The following TRABD2B variants were observed in gnomAD, a reference collection of about 807,000 sequenced individuals.
TRABD2B encodes metalloprotease TIKI2.
TRABD2B carries 14 observed loss-of-function variants against 40.1 expected under a neutral mutation model. That is an observed-to-expected ratio of 0.35 (90% CI 0.23 to 0.55). The LOEUF (loss-of-function observed/expected upper bound fraction) is 0.55, where lower values mean the gene tolerates loss of function less well. Among genes scored for constraint, TRABD2B ranks in the 20% least tolerant of loss-of-function variants. The pLI, the probability that TRABD2B is intolerant of heterozygous loss-of-function variation, is 0.90. For synonymous variants in TRABD2B, 263 were observed against 277.0 expected (o/e 0.95, Z 0.50); for missense variants, 541 against 648.6 (o/e 0.83, Z 1.80).
At chr1:47,839,351 T>C (rs1293005514) in intron 2 of TRABD2B, among the ~76,000 whole-genome samples, 1 of 151,960 alleles carries the variant, frequency 6.6e-6, no homozygotes, top group Non-Finnish European at 1.5e-5. Context: ...GCCTGCCCCC[T>C]CACTCCCACC....
chr1:47,969,662 G>T (rs1291206028), intron 2 of TRABD2B, among the ~76,000 whole-genome samples: 2 of 152,154 alleles, frequency 1.3e-5, no homozygotes, highest in African/African-American at 4.8e-5. Context: ...ATAAATGATC[G>T]AAGGCGTAGA....
At chr1:47,906,101 G>A (rs1644673613) in intron 2 of TRABD2B, among the ~76,000 whole-genome samples, 1 of 152,158 alleles carries the variant, frequency 6.6e-6, no homozygotes, top group Non-Finnish European at 1.5e-5. Flanking sequence ...GGCAGAGCTG[G>A]GATCAGAAGC....
At chr1:47,985,215 A>G (rs1434815723) in intron 2 of TRABD2B, among the ~76,000 whole-genome samples, 1 of 152,238 alleles carries the variant, frequency 6.6e-6, no homozygotes, top group Non-Finnish European at 1.5e-5. Flanking sequence ...CATCCGGCCA[A>G]TGTCTGGAAG....
chr1:47,789,461 A>G (rs1644640860), intron 4 of TRABD2B, among the ~76,000 whole-genome samples: 1 of 152,112 alleles, frequency 6.6e-6, no homozygotes, highest in African/African-American at 2.4e-5. Context: ...ATCATCTTAT[A>G]CCATAACGTT....
chr1:47,836,451 CCTT>C (rs772430595), intron 2 of TRABD2B, among the ~76,000 whole-genome samples: 5 of 152,194 alleles, frequency 3.3e-5, no homozygotes. Context: ...GGCCCCAGTT[CCTT>C]CTTTTGTGCA....
chr1:47,979,609 C>T (rs1645811119), intron 2 of TRABD2B, among the ~76,000 whole-genome samples: 1 of 152,124 alleles, frequency 6.6e-6, no homozygotes, highest in Non-Finnish European at 1.5e-5. Flanking sequence ...TCTGCTGGGG[C>T]TGGGGCGAAC....
At chr1:47,987,863 A>G (rs946632102) in intron 2 of TRABD2B, among the ~76,000 whole-genome samples, 1 of 152,202 alleles carries the variant, frequency 6.6e-6, no homozygotes, top group East Asian at 1.9e-4. Context: ...TCGCGCCAGA[A>G]GAAGCCTGTT....
intron 2 of TRABD2B, among the ~76,000 whole-genome samples, chr1:47,822,375 A>G (rs891125628): frequency 3.9e-5 from 6 of 152,220 alleles, no homozygotes; most frequent in Admixed American, 1.3e-4. Context: ...TGAAGTGCAG[A>G]TACCACCTCA....
intron 2 of TRABD2B, among the ~76,000 whole-genome samples, chr1:47,892,694 G>A (rs1376410671): frequency 2.0e-5 from 3 of 152,168 alleles, no homozygotes; most frequent in Non-Finnish European, 4.4e-5. Context: ...ATGTGCTGAT[G>A]GGTTGAGAAA....
intron 2 of TRABD2B, among the ~76,000 whole-genome samples, chr1:47,947,761 A>T (rs1388601441): frequency 6.6e-6 from 1 of 152,238 alleles, no homozygotes; most frequent in Non-Finnish European, 1.5e-5. Context: ...TAACACAGGA[A>T]TAGCTCACAT....
chr1:47,841,172 T>C (rs997374963), intron 2 of TRABD2B, among the ~76,000 whole-genome samples: 3 of 152,180 alleles, frequency 2.0e-5, no homozygotes, highest in South Asian at 2.1e-4. Flanking sequence ...TCTCTCTCCA[T>C]AGCAGTAAAG....
chr1:47,997,310 G>C lies in TRABD2B; in HGVS notation c.-521C>G. ...ACCGGCTGCCCCCGAGCCCGGCTCA[G>C]AGGGGCGGCGGGCGGCCGCGCGGCC... is the stretch of plus-strand genomic sequence containing the variant. On this transcript the variant is annotated 5_prime_UTR_variant, in exon 1 of 7. Coordinates refer to ENST00000606738, the MANE Select transcript of TRABD2B (RefSeq NM_001194986.2). 1.3e-6 allele frequency: 1 copy of C among 787,770 alleles called. No individual in the cohort carries two copies. Among genetic ancestry groups the C allele is most frequent in the South Asian group, 5.7e-5 (1 of 17,502 alleles). The allele number at this position is 787,770 out of a possible 1,614,324, so 48.8% of individuals were successfully genotyped here.
chr1:47,893,073 G>A (rs1173852001), intron 2 of TRABD2B, among the ~76,000 whole-genome samples: 3 of 152,204 alleles, frequency 2.0e-5, no homozygotes, highest in Admixed American at 2.0e-4. Context: ...TGGTGAGACA[G>A]GTCTATGTCC....
At chr1:47,938,680 A>C (rs1482305647) in intron 2 of TRABD2B, among the ~76,000 whole-genome samples, 1 of 152,168 alleles carries the variant, frequency 6.6e-6, no homozygotes, top group Admixed American at 6.5e-5. Context: ...CTTTTACTGG[A>C]ATCATGTGTC....
chr1:47,766,166 C>G, intron 6 of TRABD2B, 60 bp from the exon 7 acceptor site: 1 of 695,740 alleles, frequency 1.4e-6, no homozygotes, highest in Non-Finnish European at 2.6e-6. Flanking sequence ...GGGCAGAAGC[C>G]TTGGGGCTCA....
intron 2 of TRABD2B, among the ~76,000 whole-genome samples, chr1:47,812,094 G>A (rs1020614354): frequency 2.0e-5 from 3 of 152,194 alleles, no homozygotes; most frequent in African/African-American, 4.8e-5. Flanking sequence ...TTAATGCATC[G>A]AGCTCTCTCT....
intron 2 of TRABD2B, among the ~76,000 whole-genome samples, chr1:47,830,634 G>A (rs190883748): frequency 6.6e-6 from 1 of 152,322 alleles, no homozygotes; most frequent in East Asian, 1.9e-4. Context: ...CAGACATATA[G>A]GATGACGGAT....
At chr1:47,986,177 G>GA (rs1645916673) in intron 2 of TRABD2B, among the ~76,000 whole-genome samples, 2 of 152,186 alleles carry the variant, frequency 1.3e-5, no homozygotes, top group South Asian at 4.2e-4. Flanking sequence ...GAAAAGGAAG[G>GA]AAAAAAACCC....
intron 2 of TRABD2B, among the ~76,000 whole-genome samples, chr1:47,867,275 G>A (rs910611743): frequency 6.6e-6 from 1 of 152,170 alleles, no homozygotes. Context: ...GGAAAAAAAT[G>A]GTGTGGCATC....
Sources: gnomAD v4.1 joint callset for allele counts (sites outside exome capture counted in the v4.1 genomes callset) on GRCh38, gnomAD v4.1.1 for gene constraint, MANE v1.5 for transcripts, NCBI Gene and HGNC (gene_info 2026-07-23, HGNC 2026-07-21) for gene names.